Variants in RABGAP1L observed in about 807,000 individuals in gnomAD.
RABGAP1L encodes rab GTPase-activating protein 1-like.
Under a neutral mutation model 137.7 loss-of-function variants are expected in RABGAP1L, and 63 were observed. That is an observed-to-expected ratio of 0.46 (90% CI 0.37 to 0.56). RABGAP1L has a LOEUF of 0.56. Ranked by LOEUF, RABGAP1L falls within the 20% of genes least tolerant of loss-of-function variation. The pLI is 0.00. For synonymous variants in RABGAP1L, 431 were observed against 433.7 expected (o/e 0.99, Z 0.08); for missense variants, 1,095 against 1,244.0 (o/e 0.88, Z 1.80).
intron 11 of RABGAP1L, among the ~76,000 whole-genome samples, chr1:174,368,304 A>G (rs548796327): frequency 3.3e-5 from 5 of 152,372 alleles, no homozygotes; most frequent in South Asian, 2.1e-4. Context: ...GCAGTGATAC[A>G]CTAAGAATCC....
chr1:174,190,360 A>G (rs1359202554), intron 1 of RABGAP1L, among the ~76,000 whole-genome samples: 5 of 151,738 alleles, frequency 3.3e-5, no homozygotes, highest in Non-Finnish European at 7.4e-5. Context: ...GATGCTGCCC[A>G]TTTACCTTGG....
At chr1:174,836,625 T>A (rs946808473) in intron 19 of RABGAP1L, among the ~76,000 whole-genome samples, 1 of 152,244 alleles carries the variant, frequency 6.6e-6, no homozygotes, top group Admixed American at 6.5e-5. Context: ...GTGTGACATA[T>A]CTCTGATAGG....
chr1:174,818,826 TG>T (rs1212262626), intron 19 of RABGAP1L, among the ~76,000 whole-genome samples: 2 of 150,920 alleles, frequency 1.3e-5, no homozygotes, highest in African/African-American at 4.9e-5. Context: ...CTGGGCAACA[TG>T]GTGAAACCCC....
intron 12 of RABGAP1L, among the ~76,000 whole-genome samples, chr1:174,380,368 G>A (rs370040484): frequency 0.021 from 3,151 of 148,624 alleles, 47 homozygotes; most frequent in Non-Finnish European, 0.032. Flanking sequence ...GAATGGTACC[G>A]GTTCCTCCTT....
intron 13 of RABGAP1L, among the ~76,000 whole-genome samples, chr1:174,622,859 A>G (rs957889162): frequency 6.6e-6 from 1 of 152,260 alleles, no homozygotes; most frequent in Non-Finnish European, 1.5e-5. Flanking sequence ...TATATTTTAA[A>G]AAATACCGAA....
chr1:174,406,501 G>T (rs549647706), intron 13 of RABGAP1L, among the ~76,000 whole-genome samples: 1 of 152,230 alleles, frequency 6.6e-6, no homozygotes, highest in East Asian at 1.9e-4. Context: ...GGCTTACATG[G>T]TTTACTTTTT....
At chr1:174,336,853 A>ATGTGTGTGTG (rs148867931) in intron 11 of RABGAP1L, among the ~76,000 whole-genome samples, 13 of 146,572 alleles carry the variant, frequency 8.9e-5, no homozygotes, top group African/African-American at 1.8e-4. Flanking sequence ...GTGTTTATAA[A>ATGTGTGTGTG]TGTGTGTGTG....
At chr1:174,824,347 T>C (rs1029160955) in intron 19 of RABGAP1L, among the ~76,000 whole-genome samples, 1 of 151,592 alleles carries the variant, frequency 6.6e-6, no homozygotes, top group Non-Finnish European at 1.5e-5. Context: ...GTACAAAAAT[T>C]AGCTGGGCAT....
intron 15 of RABGAP1L, among the ~76,000 whole-genome samples, chr1:174,692,234 C>G (rs2148500527): frequency 6.6e-6 from 1 of 152,206 alleles, no homozygotes; most frequent in South Asian, 2.1e-4. Flanking sequence ...ATTGAAGGTT[C>G]TATGCCAAGA....
At chr1:174,544,234 G>A (rs773418076) in intron 13 of RABGAP1L, among the ~76,000 whole-genome samples, 1 of 152,132 alleles carries the variant, frequency 6.6e-6, no homozygotes, top group Non-Finnish European at 1.5e-5. Context: ...AGGTACACCA[G>A]TCAGGTGTAG....
intron 4 of RABGAP1L, among the ~76,000 whole-genome samples, chr1:174,234,228 C>A: frequency 9.8e-6 from 1 of 101,644 alleles, no homozygotes; most frequent in Non-Finnish European, 1.8e-5. Context: ...CCTGTTCACT[C>A]TGATGGTAGT....
At chr1:174,523,349 T>C (rs1452865827) in intron 13 of RABGAP1L, among the ~76,000 whole-genome samples, 1 of 152,124 alleles carries the variant, frequency 6.6e-6, no homozygotes, top group Non-Finnish European at 1.5e-5. Flanking sequence ...TTTGACTTTT[T>C]TTTAGAGACC....
At chr1:174,568,626 T>C (rs985382936) in intron 13 of RABGAP1L, among the ~76,000 whole-genome samples, 3 of 152,148 alleles carry the variant, frequency 2.0e-5, no homozygotes, top group Non-Finnish European at 2.9e-5. Flanking sequence ...ACCTTTAAAA[T>C]AGGAGTGTGC....
chr1:174,498,579 C>T (rs1438173766), intron 13 of RABGAP1L, among the ~76,000 whole-genome samples: 3 of 151,936 alleles, frequency 2.0e-5, no homozygotes, highest in African/African-American at 7.3e-5. Context: ...TCACTGAAAC[C>T]TCTGCCTCCT....
At chr1:174,233,277 T>TA (rs1553256866) in intron 4 of RABGAP1L, among the ~76,000 whole-genome samples, 4 of 149,664 alleles carry the variant, frequency 2.7e-5, no homozygotes, top group Admixed American at 1.3e-4. Flanking sequence ...TTTTTTTTTT[T>TA]ATTATACTTT....
chr1:174,409,913 T>C (rs186140525), intron 13 of RABGAP1L, among the ~76,000 whole-genome samples: 1 of 152,324 alleles, frequency 6.6e-6, no homozygotes, highest in East Asian at 1.9e-4. Flanking sequence ...CAGCTGAACA[T>C]AGACCCTTAT....
At chr1:174,301,276 C>T (rs1404997903) in intron 10 of RABGAP1L, among the ~76,000 whole-genome samples, 1 of 151,590 alleles carries the variant, frequency 6.6e-6, no homozygotes, top group African/African-American at 2.4e-5. Flanking sequence ...AGCACCCAGG[C>T]AGGGGTGCTG....
At chr1:174,759,264 C>T (rs543789641) in intron 18 of RABGAP1L, among the ~76,000 whole-genome samples, 14 of 141,802 alleles carry the variant, frequency 9.9e-5, no homozygotes, top group African/African-American at 2.4e-4. Context: ...AAGAAACATT[C>T]GAGGCTGGGT....
chr1:174,862,076 G>T (rs1433939961), intron 19 of RABGAP1L, among the ~76,000 whole-genome samples: 1 of 152,082 alleles, frequency 6.6e-6, no homozygotes, highest in Admixed American at 6.6e-5. Flanking sequence ...GTGATTTCAG[G>T]TCTTAAATTT....
Sources: gnomAD v4.1 joint callset for allele counts (sites outside exome capture counted in the v4.1 genomes callset) on GRCh38, gnomAD v4.1.1 for gene constraint, MANE v1.5 for transcripts, NCBI Gene and HGNC (gene_info 2026-07-23, HGNC 2026-07-21) for gene names.